The following GATA6 variants were observed in gnomAD, a reference collection of about 807,000 sequenced individuals.
The protein encoded by GATA6 is GATA binding protein 6.
Under a neutral mutation model 48.1 loss-of-function variants are expected in GATA6, and 11 were observed. The observed-to-expected ratio is 0.23, with a 90% CI of 0.14 to 0.38. The LOEUF is 0.38. Ranked by LOEUF, GATA6 falls within the 10% of genes least tolerant of loss-of-function variation. The pLI is 1.00. For synonymous variants in GATA6, 419 were observed against 396.1 expected, an observed-to-expected ratio of 1.06 and a Z score of -0.69; for missense variants, 795 against 850.3, an observed-to-expected ratio of 0.93 and a Z score of 0.81.
intron 6 of GATA6, among the ~76,000 whole-genome samples, chr18:22,191,600 A>C (rs1187003737): frequency 3.9e-5 from 6 of 152,292 alleles, no homozygotes; most frequent in Middle Eastern, 3.4e-3. Context: ...GATATGAATT[A>C]AGTACAATCT....
intron 6 of GATA6, among the ~76,000 whole-genome samples, chr18:22,195,753 T>G (rs2033381542): frequency 6.6e-6 from 1 of 152,206 alleles, no homozygotes; most frequent in Non-Finnish European, 1.5e-5. Flanking sequence ...TTACAGGATT[T>G]TTTCCATTTT....
intron 6 of GATA6, among the ~76,000 whole-genome samples, chr18:22,187,406 G>T (rs1008296983): frequency 2.6e-5 from 4 of 152,082 alleles, no homozygotes; most frequent in African/African-American, 9.7e-5. Flanking sequence ...CTTGAACCTG[G>T]GAGTTGCAGG....
intron 6 of GATA6, among the ~76,000 whole-genome samples, chr18:22,196,783 C>G (rs1568008543): frequency 6.6e-6 from 1 of 152,026 alleles, no homozygotes; most frequent in African/African-American, 2.4e-5. Context: ...AGTCATGAGA[C>G]TTTTGAATGG....
rs1016229106 is a variant in GATA6 at position 22,202,469 on chromosome 18, G to A, written c.*1646G>A. ...GCCTCTTTGTATTTTCTTCATTGTT[G>A]AGTAGATTTCAGGAAATCAGGAGGT... On this transcript the variant is annotated 3_prime_UTR_variant, in exon 7 of 7. Transcript: ENST00000269216. The A allele has an allele frequency of 3.3e-5, 5 of 152,128 alleles. No homozygotes were observed. The highest frequency in any genetic ancestry group is 5.9e-5 in the Non-Finnish European group (4 of 68,020). The allele number at this position is 152,128 out of a possible 1,614,324, so 9.4% of individuals were successfully genotyped here.
chr18:22,174,763 G>T (rs1049514782), intron 2 of GATA6, among the ~76,000 whole-genome samples: 7 of 151,464 alleles, frequency 4.6e-5, no homozygotes, highest in African/African-American at 1.7e-4. Flanking sequence ...GTTTTTGGAG[G>T]CAGACACTTT....
chr18:22,190,853 C>T (rs2033317355), intron 6 of GATA6, among the ~76,000 whole-genome samples: 1 of 152,180 alleles, frequency 6.6e-6, no homozygotes, highest in Admixed American at 6.5e-5. Context: ...GTGCCAGGCT[C>T]CCTTTCTTTC....
chr18:22,181,321 C>G, intron 3 of GATA6, 132 bp from the exon 4 acceptor site: 2 of 1,158,492 alleles, frequency 1.7e-6, no homozygotes, highest in Non-Finnish European at 2.5e-6. Context: ...TTTTTTTTCT[C>G]AAGGACCATT....
Position 22,171,027 on chromosome 18 carries a change from T to A in GATA6, c.-37-81T>A. 1.2e-6 allele frequency: 1 copy of A among 808,896 alleles called. No homozygotes were observed. 50.1% of individuals were successfully genotyped at this position (808,896 alleles called of 1,614,324 possible). A position where few individuals can be genotyped will look rare whatever the true frequency, so the allele number is the denominator to read the frequency against. Reference sequence around the variant, plus strand: ...ATCCCATTTGAACTAGAAAAAGGAGTGGAGGCGAGGTAGCGTGCAGCCTAC... The same window carrying A: ...ATCCCATTTGAACTAGAAAAAGGAGAGGAGGCGAGGTAGCGTGCAGCCTAC... On this transcript the variant is annotated intron_variant, in intron 1 of 6. Coordinates refer to ENST00000269216, the MANE Select transcript of GATA6 (RefSeq NM_005257.6). This position sits in a 1 kb window ranked among gnomAD's most constrained non-coding sequence, Gnocchi z 7.1.
At chr18:22,189,705 CGA>C (rs2033304772) in intron 6 of GATA6, among the ~76,000 whole-genome samples, 1 of 152,124 alleles carries the variant, frequency 6.6e-6, no homozygotes, top group Non-Finnish European at 1.5e-5. Flanking sequence ...CTAGAGGACT[CGA>C]GAGCCAAACA....
chr18:22,176,854 A>G, intron 2 of GATA6, 101 bp from the exon 3 acceptor site: 1 of 1,363,574 alleles, frequency 7.3e-7, no homozygotes, highest in Non-Finnish European at 9.7e-7. Context: ...ACGGGCAGGG[A>G]AGCCGGGCAC....
chr18:22,187,177 AATAG>A (rs1262299163), intron 6 of GATA6, among the ~76,000 whole-genome samples: 2 of 152,218 alleles, frequency 1.3e-5, no homozygotes, highest in Admixed American at 1.3e-4. Flanking sequence ...AGTTGATCTA[AATAG>A]ATATCAGTTT....
chr18:22,183,296 A>G (rs997990490), intron 6 of GATA6, among the ~76,000 whole-genome samples: 3 of 152,166 alleles, frequency 2.0e-5, no homozygotes, highest in African/African-American at 7.2e-5. Context: ...AAAAGCAAGA[A>G]GTTTTGGTTT....
At chr18:22,194,579 A>G (rs888983000) in intron 6 of GATA6, among the ~76,000 whole-genome samples, 1 of 152,184 alleles carries the variant, frequency 6.6e-6, no homozygotes, top group Non-Finnish European at 1.5e-5. Context: ...TGCGATCTGA[A>G]CTAAAGTCCT....
At chr18:22,173,341 TTTGAGGGGAGGTGTGGGGGAGGCCCC>T (rs1445555635) in intron 2 of GATA6, among the ~76,000 whole-genome samples, 1 of 152,104 alleles carries the variant, frequency 6.6e-6, no homozygotes, top group Non-Finnish European at 1.5e-5. Context: ...TTGTAGTTTG[TTTGAGGGGAGGTGTGGGGGAGGCCCC>T]TTGAGTCACA....
In GATA6 at chr18:22,171,625, G is replaced by T. The variant is rs559922666; in HGVS notation, c.481G>T (p.Ala161Ser). The T allele has an allele frequency of 2.6e-5, 42 of 1,597,066 alleles. No individual in the cohort carries two copies. In the Middle Eastern group the frequency reaches 5.0e-4, roughly 19 times the overall value. The change falls in exon 2 of 7, where the codon GCC (alanine) becomes TCC (serine). Residue 161 changes from alanine (A) to serine (S), a missense_variant. Transcript: ENST00000269216. The surrounding 1 kb of genome is among the most constrained non-coding windows in gnomAD (Gnocchi z 7.1). ...CGCTCTCTCCAGCCAGGGTCCGGCC[G>T]CCTACGACGGCGCGCCCGGCGGCTT... Reference protein sequence around the residue: ...LAALSSQGPAAYDGAPGGFVH... With the variant: ...LAALSSQGPASYDGAPGGFVH...
Position 22,170,314 on chromosome 18 carries a change from G to A in GATA6, c.-38+632G>A, listed in dbSNP as rs968311082. On this transcript the variant is annotated intron_variant, in intron 1 of 6. Transcript: ENST00000269216. The surrounding 1 kb of genome is among the most constrained non-coding windows in gnomAD (Gnocchi z 6.7). Reference sequence around the variant, plus strand: ...GGGTGGGCCGGGTGGCCCGGCCGGCGTGAGCGCGCACGCTGGTGGCTGCAG... The same window carrying A: ...GGGTGGGCCGGGTGGCCCGGCCGGCATGAGCGCGCACGCTGGTGGCTGCAG... Among the ~76,000 whole-genome samples, 1 of 152,224 alleles carries A rather than the reference G, an allele frequency of 6.6e-6. No homozygotes were observed. Among genetic ancestry groups the A allele is most frequent in the Non-Finnish European group, 1.5e-5 (1 of 68,042 alleles).
At chr18:22,200,200 T>TGTGTGTGC (rs34914720) in intron 6 of GATA6, among the ~76,000 whole-genome samples, 12 of 147,770 alleles carry the variant, frequency 8.1e-5, no homozygotes, top group African/African-American at 2.8e-4. Flanking sequence ...TGTGTGTGTG[T>TGTGTGTGC]GCGCGCGCAC....
Position 22,200,911 on chromosome 18 carries a change from A to G in GATA6, c.*88A>G. 7 of 1,333,014 alleles carry G rather than the reference A, an allele frequency of 5.3e-6. 1 individual carries two copies. The South Asian group carries it at 8.8e-5, about 17-fold the overall frequency. 82.6% of individuals were successfully genotyped at this position (1,333,014 alleles called of 1,614,324 possible). On this transcript the variant is annotated 3_prime_UTR_variant, in exon 7 of 7. Transcript: ENST00000269216. Reference sequence around the variant, plus strand: ...TTGTGCAGCGGTCCAGACAGTGGCGACTGCGCTGACAGAACGTGATTCTCG... The same window carrying G: ...TTGTGCAGCGGTCCAGACAGTGGCGGCTGCGCTGACAGAACGTGATTCTCG...
In GATA6 at chr18:22,171,419, A is replaced by G; in HGVS notation, c.275A>G (p.His92Arg). 9 of 1,590,344 alleles carry G rather than the reference A, an allele frequency of 5.7e-6. No homozygotes were observed. Among genetic ancestry groups the G allele is most frequent in the Non-Finnish European group, 7.7e-6 (9 of 1,175,932 alleles). Residue 92 changes from histidine (H) to arginine (R), a missense_variant, in exon 2 of 7, where the codon CAC (histidine) becomes CGC (arginine). His to Arg is a conservative substitution (Grantham distance 29, BLOSUM62 0). Coordinates refer to ENST00000269216, the MANE Select transcript of GATA6 (RefSeq NM_005257.6). This position sits in a 1 kb window ranked among gnomAD's most constrained non-coding sequence, Gnocchi z 7.1. ...GCTTCGCATCCCTTCGGGGCTCCCC[A>G]CGGACCTTCGGCGCCTGGGGTCGCG... ...SYASHPFGAP[H>R]GPSAPGVAGP...
Sources: allele counts gnomAD v4.1 joint callset (sites outside exome capture counted in the v4.1 genomes callset), GRCh38; gene constraint gnomAD v4.1.1; non-coding constraint Gnocchi (gnomAD v3.1); transcripts MANE v1.5; gene names NCBI Gene and HGNC (gene_info 2026-07-23, HGNC 2026-07-21).